CCDC149: variants seen among roughly 807,000 people sequenced by gnomAD.
CCDC149 encodes coiled-coil domain containing 149.
CCDC149 carries 45 observed loss-of-function variants against 59.9 expected under a neutral mutation model. That is an observed-to-expected ratio of 0.75 (90% CI 0.59 to 0.96). The LOEUF (loss-of-function observed/expected upper bound fraction) is 0.96. Ranked by LOEUF, CCDC149 falls within the 40% of genes least tolerant of loss-of-function variation. The pLI, the probability that CCDC149 is intolerant of heterozygous loss-of-function variation, is 0.00. For synonymous variants in CCDC149, 245 were observed against 260.6 expected, an observed-to-expected ratio of 0.94 and a Z score of 0.58; for missense variants, 584 against 664.7, an observed-to-expected ratio of 0.88 and a Z score of 1.33.
intron 4 of CCDC149, among the ~76,000 whole-genome samples, chr4:24,852,481 G>A (rs1182399442): frequency 6.6e-6 from 1 of 152,086 alleles, no homozygotes; most frequent in Non-Finnish European, 1.5e-5. Flanking sequence ...TTTCTCAGTT[G>A]TACTTTTGTT....
At chr4:24,876,332 CACACACACAGAGAG>C (rs1315720703) in intron 2 of CCDC149, among the ~76,000 whole-genome samples, 190 bp downstream of exon 2, 3 of 125,080 alleles carry the variant, frequency 2.4e-5, no homozygotes, top group African/African-American at 1.0e-4. Context: ...CACACACACA[CACACACACAGAGAG>C]AGAGAGAGAG....
intron 1 of CCDC149, among the ~76,000 whole-genome samples, chr4:24,891,472 G>C (rs1720526100): frequency 6.6e-6 from 1 of 152,178 alleles, no homozygotes; most frequent in South Asian, 2.1e-4. Flanking sequence ...GCAAGCCAAT[G>C]ATGGGCATGA....
At chr4:24,841,399 G>A (rs565060619) in intron 4 of CCDC149, among the ~76,000 whole-genome samples, 1 of 152,278 alleles carries the variant, frequency 6.6e-6, no homozygotes, top group South Asian at 2.1e-4. Flanking sequence ...CCATATAAGA[G>A]TCATCTTTTA....
intron 1 of CCDC149, among the ~76,000 whole-genome samples, chr4:24,940,297 G>A (rs1722915664): frequency 6.6e-6 from 1 of 152,092 alleles, no homozygotes; most frequent in South Asian, 2.1e-4. Context: ...GCCAAACTAA[G>A]CTTCATAAGT....
chr4:24,901,413 TCATCTTCAG>T (rs995789105), intron 1 of CCDC149, among the ~76,000 whole-genome samples: 15 of 152,372 alleles, frequency 9.8e-5, no homozygotes, highest in African/African-American at 3.4e-4. Flanking sequence ...AGTCCTCTTC[TCATCTTCAG>T]CCAATGTATT....
At chr4:24,843,739 G>A (rs1166913782) in intron 4 of CCDC149, among the ~76,000 whole-genome samples, 1 of 152,186 alleles carries the variant, frequency 6.6e-6, no homozygotes, top group Non-Finnish European at 1.5e-5. Flanking sequence ...GTCCAAGCGA[G>A]CAGTGTGCTA....
At chr4:24,944,252 A>AGTTCATGTC (rs1723037917) in intron 1 of CCDC149, among the ~76,000 whole-genome samples, 1 of 152,208 alleles carries the variant, frequency 6.6e-6, no homozygotes, top group Non-Finnish European at 1.5e-5. Flanking sequence ...CTTTGTAGGG[A>AGTTCATGTC]CATGGATGAA....
chr4:24,917,393 G>A (rs967667075), upstream of CCDC149, among the ~76,000 whole-genome samples: 3 of 152,208 alleles, frequency 2.0e-5, no homozygotes, highest in Non-Finnish European at 2.9e-5. Context: ...CTGGCAGGCC[G>A]GGGACCCGCA....
intron 1 of CCDC149, among the ~76,000 whole-genome samples, chr4:24,889,661 G>A (rs1720413488): frequency 2.0e-5 from 3 of 152,284 alleles, no homozygotes; most frequent in East Asian, 1.9e-4. Context: ...GGAATGTAAC[G>A]ATAGATTCAC....
chr4:24,921,614 G>A (rs1177309151), intron 1 of CCDC149, among the ~76,000 whole-genome samples: 1 of 152,174 alleles, frequency 6.6e-6, no homozygotes, highest in Non-Finnish European at 1.5e-5. Context: ...AAGAAAGACT[G>A]GACAGGGTCT....
rs983295016 is a variant in CCDC149, at chr4:24,822,254, C to A, written c.1042+243G>T. On this transcript the variant is annotated intron_variant, in intron 10 of 12. Transcript: ENST00000635206. Reference sequence around the variant, plus strand: ...AATTTCAGAATTCAGGTTTGCTAAACTTCATAGTTCCACAGATGAAACCCT... The same window carrying A: ...AATTTCAGAATTCAGGTTTGCTAAAATTCATAGTTCCACAGATGAAACCCT... Among the ~76,000 whole-genome samples, 7 of 152,032 alleles carry A rather than the reference C, an allele frequency of 4.6e-5. No individual in the cohort carries two copies. The South Asian group carries it at 1.2e-3, about 27-fold the overall frequency.
chr4:24,928,652 C>G (rs1722498196), intron 1 of CCDC149, among the ~76,000 whole-genome samples: 1 of 152,168 alleles, frequency 6.6e-6, no homozygotes, highest in Non-Finnish European at 1.5e-5. Context: ...TCAGGGATCC[C>G]CTGCTTGGAA....
chr4:24,945,283 G>A (rs1233453239), intron 1 of CCDC149, among the ~76,000 whole-genome samples: 1 of 152,202 alleles, frequency 6.6e-6, no homozygotes, highest in African/African-American at 2.4e-5. Flanking sequence ...GATGTAACTG[G>A]TGAAGATGAG....
rs371149702 is a variant in CCDC149, at chr4:24,824,724, G to A, written c.966-2151C>T. On this transcript the variant is annotated intron_variant, in intron 9 of 12. Coordinates refer to ENST00000635206, the MANE Select transcript of CCDC149 (RefSeq NM_001330643.2). ...GTTAGTTAACTTGACCAAAACCATA[G>A]GCAAGACTCAGCTGGTGGTGAGGCT... Among the ~76,000 whole-genome samples the A allele has an allele frequency of 2.2e-4, 33 of 152,346 alleles. 1 individual carries two copies. The South Asian group carries it at 6.4e-3, about 30-fold the overall frequency.
intron 4 of CCDC149, among the ~76,000 whole-genome samples, chr4:24,849,980 C>T (rs979299784): frequency 1.5e-4 from 23 of 152,236 alleles, no homozygotes; most frequent in African/African-American, 5.3e-4. Flanking sequence ...TCCACAGAAG[C>T]TTCTCAAATA....
chr4:24,922,764 C>G (rs1184021027), intron 1 of CCDC149, among the ~76,000 whole-genome samples: 2 of 152,166 alleles, frequency 1.3e-5, no homozygotes, highest in Non-Finnish European at 2.9e-5. Flanking sequence ...TCGCTGGGGG[C>G]TTCTGCTATA....
chr4:24,825,899 C>T (rs927507516), intron 9 of CCDC149, among the ~76,000 whole-genome samples: 6 of 152,142 alleles, frequency 3.9e-5, no homozygotes, highest in African/African-American at 2.4e-5. Context: ...ATATTGAGAA[C>T]ATTCAGACTT....
At chr4:24,976,565 T>C (rs1348245909) in intron 1 of CCDC149, among the ~76,000 whole-genome samples, 1 of 151,950 alleles carries the variant, frequency 6.6e-6, no homozygotes, top group African/African-American at 2.4e-5. Context: ...ATACAAAAAT[T>C]AGCTGGGCAT....
intron 1 of CCDC149, among the ~76,000 whole-genome samples, chr4:24,887,281 T>TGGGGGGGGGGGGGGGG: frequency 4.0e-5 from 1 of 25,024 alleles, no homozygotes; most frequent in South Asian, 1.5e-3. Flanking sequence ...GTAGTGGGGG[T>TGGGGGGGGGGGGGGGG]GGGGTGGGGG....
Sources: gnomAD v4.1 joint callset for allele counts (sites outside exome capture counted in the v4.1 genomes callset) on GRCh38, gnomAD v4.1.1 for gene constraint, MANE v1.5 for transcripts, NCBI Gene and HGNC (gene_info 2026-07-23, HGNC 2026-07-21) for gene names.